Variants in AUTS2 observed in about 807,000 individuals in gnomAD.
The protein encoded by AUTS2 is autism susceptibility gene 2 protein.
In AUTS2, 17 loss-of-function variants were observed where a neutral mutation model predicts 112.4. The observed-to-expected ratio is 0.15, with a 90% CI of 0.10 to 0.23. The LOEUF is 0.23. Ranked by LOEUF, AUTS2 falls within the 10% of genes least tolerant of loss-of-function variation. AUTS2 has a pLI of 1.00. For synonymous variants in AUTS2, 751 were observed against 702.7 expected (o/e 1.07, Z -1.09); for missense variants, 1,510 against 1,701.6 (o/e 0.89, Z 1.98).
intron 1 of AUTS2, among the ~76,000 whole-genome samples, chr7:69,603,648 C>T (rs1025244874): frequency 2.6e-5 from 4 of 152,180 alleles, no homozygotes; most frequent in Middle Eastern, 3.5e-3. Context: ...AGAGGGTAGG[C>T]GAGGAGGCTA....
chr7:70,480,672 TA>T (rs1338269688), intron 5 of AUTS2, among the ~76,000 whole-genome samples: 2 of 152,284 alleles, frequency 1.3e-5, no homozygotes, highest in Non-Finnish European at 2.9e-5. Flanking sequence ...CTGGATCCCA[TA>T]CCTTTGTACC....
intron 2 of AUTS2, among the ~76,000 whole-genome samples, chr7:70,030,675 G>A (rs1280480936): frequency 6.6e-6 from 1 of 152,076 alleles, no homozygotes; most frequent in African/African-American, 2.4e-5. Flanking sequence ...ATACACTATG[G>A]ATTAAACCAG....
At chr7:70,258,264 G>T (rs1786986042) in intron 4 of AUTS2, among the ~76,000 whole-genome samples, 1 of 152,124 alleles carries the variant, frequency 6.6e-6, no homozygotes, top group South Asian at 2.1e-4. Context: ...CAACTGTAGA[G>T]GTCAAGAAAG....
At chr7:70,582,606 C>T (rs1802503937) in intron 5 of AUTS2, among the ~76,000 whole-genome samples, 1 of 152,202 alleles carries the variant, frequency 6.6e-6, no homozygotes, top group African/African-American at 2.4e-5. Context: ...GGTACAGAAG[C>T]ATCTTTTCAT....
intron 1 of AUTS2, among the ~76,000 whole-genome samples, chr7:69,868,454 T>G (rs1358794801): frequency 6.6e-6 from 1 of 152,220 alleles, no homozygotes; most frequent in Non-Finnish European, 1.5e-5. Flanking sequence ...AATTGGATGA[T>G]GAAGACAGTA....
At chr7:69,822,544 C>T (rs545282365) in intron 1 of AUTS2, among the ~76,000 whole-genome samples, 1 of 152,308 alleles carries the variant, frequency 6.6e-6, no homozygotes, top group Non-Finnish European at 1.5e-5. Context: ...TAGAATGATA[C>T]ATTTTGTTTA....
chr7:69,642,573 G>C (rs1028339721), intron 1 of AUTS2, among the ~76,000 whole-genome samples: 1 of 152,170 alleles, frequency 6.6e-6, no homozygotes, highest in African/African-American at 2.4e-5. Flanking sequence ...AGTGACGAGT[G>C]TATTCTGTAA....
chr7:70,444,920 C>T (rs1319526479), intron 5 of AUTS2, among the ~76,000 whole-genome samples: 1 of 152,046 alleles, frequency 6.6e-6, no homozygotes, highest in East Asian at 1.9e-4. Context: ...TTTGAAGTTC[C>T]TAATTTCCTG....
At chr7:70,543,628 A>G (rs529333121) in intron 5 of AUTS2, among the ~76,000 whole-genome samples, 2 of 152,034 alleles carry the variant, frequency 1.3e-5, no homozygotes, top group Admixed American at 6.5e-5. Flanking sequence ...CTGGCCCACC[A>G]CTACCTGACT....
intron 2 of AUTS2, among the ~76,000 whole-genome samples, chr7:70,019,837 T>C (rs559193792): frequency 3.3e-5 from 5 of 152,334 alleles, no homozygotes; most frequent in Admixed American, 2.0e-4. Context: ...CGTATGTGAT[T>C]TCATGTGGTT....
intron 2 of AUTS2, among the ~76,000 whole-genome samples, chr7:69,914,356 GACACACAC>G (rs66527808): frequency 3.4e-4 from 46 of 136,100 alleles, no homozygotes; most frequent in Middle Eastern, 7.6e-3. Flanking sequence ...CACACACACA[GACACACAC>G]ACACACACAC....
chr7:70,092,902 G>A (rs149762721), intron 2 of AUTS2, among the ~76,000 whole-genome samples: 1 of 152,256 alleles, frequency 6.6e-6, no homozygotes, highest in African/African-American at 2.4e-5. Flanking sequence ...ATTTGGCCAT[G>A]GGAAGCAGGC....
chr7:69,842,956 G>A (rs747385952), intron 1 of AUTS2, among the ~76,000 whole-genome samples: 12 of 152,182 alleles, frequency 7.9e-5, no homozygotes, highest in Non-Finnish European at 1.5e-4. Context: ...TTTACTCAGA[G>A]ATGCTGGGGG....
chr7:69,735,392 C>G (rs538243556), intron 1 of AUTS2, among the ~76,000 whole-genome samples: 1 of 152,140 alleles, frequency 6.6e-6, no homozygotes, highest in South Asian at 2.1e-4. Context: ...CAGAGCAGAC[C>G]GGGGACTGAT....
intron 4 of AUTS2, among the ~76,000 whole-genome samples, chr7:70,385,094 A>T (rs1210184738): frequency 6.6e-6 from 1 of 152,182 alleles, no homozygotes; most frequent in Non-Finnish European, 1.5e-5. Flanking sequence ...CTTACAACAC[A>T]CTTGCTCCAT....
chr7:69,852,279 A>G (rs1792519252), intron 1 of AUTS2, among the ~76,000 whole-genome samples: 7 of 152,276 alleles, frequency 4.6e-5, no homozygotes, highest in Admixed American at 3.3e-4. Flanking sequence ...GTCAGGATGT[A>G]TAATTCTTTT....
chr7:70,471,728 G>A (rs1313560413), intron 5 of AUTS2, among the ~76,000 whole-genome samples: 1 of 152,106 alleles, frequency 6.6e-6, no homozygotes, highest in Non-Finnish European at 1.5e-5. Context: ...AATACAGTGG[G>A]GAGGGATGCA....
At chr7:70,517,748 C>T (rs73450520) in intron 5 of AUTS2, among the ~76,000 whole-genome samples, 1 of 151,816 alleles carries the variant, frequency 6.6e-6, no homozygotes, top group Non-Finnish European at 1.5e-5. Context: ...AATACACACA[C>T]ACACGATTTG....
chr7:69,888,624 C>T (rs1265698968), intron 1 of AUTS2, among the ~76,000 whole-genome samples: 2 of 150,256 alleles, frequency 1.3e-5, no homozygotes, highest in Non-Finnish European at 3.0e-5. Flanking sequence ...CTCTGTCACC[C>T]AGGCTGGAGT....
Sources: allele counts gnomAD v4.1 joint callset (sites outside exome capture counted in the v4.1 genomes callset), GRCh38; gene constraint gnomAD v4.1.1; transcripts MANE v1.5; gene names NCBI Gene and HGNC (gene_info 2026-07-23, HGNC 2026-07-21).